The following KLHL36 variants were observed in gnomAD, a reference collection of about 807,000 sequenced individuals.
The protein encoded by KLHL36 is kelch like family member 36.
Under a neutral mutation model 53.3 loss-of-function variants are expected in KLHL36, and 35 were observed. The ratio of observed to expected loss-of-function variants is 0.66; its 90% CI spans 0.50 to 0.87. The LOEUF (loss-of-function observed/expected upper bound fraction) is 0.87. KLHL36 is among the 40% of genes least tolerant of loss of function. KLHL36 has a pLI of 0.00. For missense variants in KLHL36, 864 were observed against 897.6 expected, an observed-to-expected ratio of 0.96 and a Z score of 0.48; for synonymous variants, 472 against 398.9, an observed-to-expected ratio of 1.18 and a Z score of -2.18.
In KLHL36 at chr16:84,667,225, T is replaced by G. The variant is rs1907891039; in HGVS notation, c.*5092T>G. The G allele has an allele frequency of 6.6e-6, 1 of 152,176 alleles. No homozygotes were observed. The highest frequency in any genetic ancestry group is 2.4e-5 in the African/African-American group (1 of 41,434). 9.4% of individuals were successfully genotyped at this position (152,176 alleles called of 1,614,324 possible). On this transcript the variant is annotated 3_prime_UTR_variant, in exon 5 of 5. Coordinates refer to ENST00000564996, the MANE Select transcript of KLHL36 (RefSeq NM_024731.4). ...ACCTTTTCAAAGGTACTTAAAGCCATCTTTACAGATTGCTTGTAATGTAAG... is the reference window on the plus strand; with the variant it reads ...ACCTTTTCAAAGGTACTTAAAGCCAGCTTTACAGATTGCTTGTAATGTAAG...
rs1020351857 is a variant in KLHL36 at position 84,667,210 on chromosome 16, A to C, written c.*5077A>C. The C allele has an allele frequency of 2.6e-5, 4 of 152,228 alleles. No homozygotes were observed. The highest frequency in any genetic ancestry group is 4.4e-5 in the Non-Finnish European group (3 of 68,052). 9.4% of individuals were successfully genotyped at this position (152,228 alleles called of 1,614,324 possible). ...GAGAAAGGACACTCCACCTTTTCAA[A>C]GGTACTTAAAGCCATCTTTACAGAT... On this transcript the variant is annotated 3_prime_UTR_variant, in exon 5 of 5. Transcript: ENST00000564996.
At chr16:84,657,968 C>CT (rs765034976) in intron 3 of KLHL36, 24 bp downstream of exon 3, 13 of 1,473,902 alleles carry the variant, frequency 8.8e-6, no homozygotes, top group Non-Finnish European at 7.2e-6. Context: ...CAGATTATTT[C>CT]TTTTCTCTTG....
chr16:84,662,210 T>A lies in KLHL36; in HGVS notation c.*77T>A, dbSNP rs1907602962. On this transcript the variant is annotated 3_prime_UTR_variant, in exon 5 of 5. Transcript: ENST00000564996. ...TAGACCAGCAGCAACTTCTTAGTAT[T>A]CCGGAAACATTATGTACAACTTAGC... 1.6e-6 allele frequency: 2 copies of A among 1,281,560 alleles called. No individual in the cohort carries two copies. The highest frequency in any genetic ancestry group is 2.9e-5 in the Admixed American group (1 of 34,928). The allele number at this position is 1,281,560 out of a possible 1,614,324, so 79.4% of individuals were successfully genotyped here.
intron 2 of KLHL36, among the ~76,000 whole-genome samples, chr16:84,654,268 T>C (rs994696237): frequency 2.6e-5 from 4 of 152,218 alleles, no homozygotes; most frequent in African/African-American, 9.6e-5. Flanking sequence ...ACCGCCACTG[T>C]AGTACTTTTT....
rs1696496924 is a variant in KLHL36, at chr16:84,665,084, G to C, written c.*2951G>C. ...AGAGTTTGGGCTGTGCTTATGCAGTGGCCATTTGAACCGCACAGTCACGAA... is the reference window on the plus strand; with the variant it reads ...AGAGTTTGGGCTGTGCTTATGCAGTCGCCATTTGAACCGCACAGTCACGAA... On this transcript the variant is annotated 3_prime_UTR_variant, in exon 5 of 5. Transcript: ENST00000564996. 6.6e-6 allele frequency: 1 copy of C among 152,168 alleles called. No homozygotes were observed. The highest frequency in any genetic ancestry group is 2.1e-4 in the South Asian group (1 of 4,822). 9.4% of individuals were successfully genotyped at this position (152,168 alleles called of 1,614,324 possible).
chr16:84,653,123 G>A (rs956174003), intron 2 of KLHL36, among the ~76,000 whole-genome samples: 8 of 152,080 alleles, frequency 5.3e-5, no homozygotes, highest in Admixed American at 5.2e-4. Context: ...AGGCCGAGGT[G>A]GGAGGCTCAC....
rs551192776 is a variant in KLHL36, at chr16:84,657,405, A to G, written c.598A>G (p.Ser200Gly). 5 of 1,606,866 alleles carry G rather than the reference A, an allele frequency of 3.1e-6. No individual in the cohort carries two copies. Among genetic ancestry groups the G allele is most frequent in the East Asian group, 4.5e-5 (2 of 44,876 alleles). The change falls in exon 3 of 5, where the codon AGC becomes GGC. Residue 200 changes from serine to glycine, a missense_variant. Physicochemically the swap from Ser to Gly is moderately conservative, Grantham distance 56 (BLOSUM62 0). Coordinates refer to ENST00000564996, the MANE Select transcript of KLHL36 (RefSeq NM_024731.4). ...GAAGCTGTGTGTCTACCTGAGCAGC[A>G]GCGAGGTGCAGCGGGAGTGTGAGCA... ...MQKLCVYLSS[S>G]EVQRECEHDL...
At chr16:84,656,748 TGCA>T in intron 2 of KLHL36, 120 bp from the exon 3 acceptor site, 1 of 715,870 alleles carries the variant, frequency 1.4e-6, no homozygotes, top group South Asian at 1.8e-5. Context: ...TGCCCTCTGA[TGCA>T]GCATTTTATT....
intron 1 of KLHL36, among the ~76,000 whole-genome samples, chr16:84,649,777 G>C (rs527506392): frequency 1.3e-5 from 2 of 152,334 alleles, no homozygotes; most frequent in East Asian, 3.9e-4. Flanking sequence ...CTGACTTCTT[G>C]TCACATTGTT....
In KLHL36 at chr16:84,667,346, T is replaced by G. The variant is rs551379489; in HGVS notation, c.*5213T>G. The G allele has an allele frequency of 6.6e-6, 1 of 152,340 alleles. No individual in the cohort carries two copies. The highest frequency in any genetic ancestry group is 1.9e-4 in the East Asian group (1 of 5,196). 9.4% of individuals were successfully genotyped at this position (152,340 alleles called of 1,614,324 possible). A position where few individuals can be genotyped will look rare whatever the true frequency, so the allele number is the denominator to read the frequency against. On this transcript the variant is annotated 3_prime_UTR_variant, in exon 5 of 5. Transcript: ENST00000564996. Reference sequence around the variant, plus strand: ...GATATTTGATGATTAAGTGATTCATTGGGTATGTTCTGGCTACTGATGTTA... The same window carrying G: ...GATATTTGATGATTAAGTGATTCATGGGGTATGTTCTGGCTACTGATGTTA...
chr16:84,654,656 G>C (rs572479551), intron 2 of KLHL36, among the ~76,000 whole-genome samples: 6 of 152,096 alleles, frequency 3.9e-5, no homozygotes, highest in Non-Finnish European at 5.9e-5. Flanking sequence ...CGTTTTGTTC[G>C]TGTTGCCCAG....
chr16:84,652,159 C>G (rs1321954181), intron 2 of KLHL36, among the ~76,000 whole-genome samples: 3 of 152,194 alleles, frequency 2.0e-5, no homozygotes, highest in African/African-American at 7.2e-5. Flanking sequence ...CTGCTGCTTT[C>G]TAAGTTTGAC....
rs774521861 is a variant in KLHL36 at position 84,657,337 on chromosome 16, C to G, written c.530C>G (p.Thr177Arg). 6.2e-7 allele frequency: 1 copy of G among 1,613,198 alleles called. No homozygotes were observed. The highest frequency in any genetic ancestry group is 1.7e-5 in the Admixed American group (1 of 60,006). Residue 177 changes from threonine (T) to arginine (R), a missense_variant, in exon 3 of 5, where the codon ACG (threonine) becomes AGG (arginine). Physicochemically the swap from Thr to Arg is moderately conservative, Grantham distance 71. Coordinates refer to ENST00000564996, the MANE Select transcript of KLHL36 (RefSeq NM_024731.4). ...IDGFILNHFG[T>R]LSFTPDFLQN... ...GGCTTCATCCTGAACCACTTCGGCA[C>G]GCTGTCCTTTACGCCCGACTTCCTG... is the stretch of plus-strand genomic sequence containing the variant.
At chr16:84,650,635 G>A (rs1906809298) in intron 1 of KLHL36, among the ~76,000 whole-genome samples, 1 of 152,100 alleles carries the variant, frequency 6.6e-6, no homozygotes, top group African/African-American at 2.4e-5. Flanking sequence ...GATTTTAGAT[G>A]ATAAAGGAAT....
Position 84,663,075 on chromosome 16 carries a change from C to G in KLHL36, c.*942C>G, listed in dbSNP as rs1266341501. The G allele has an allele frequency of 6.6e-6, 1 of 151,898 alleles. No individual in the cohort carries two copies. The highest frequency in any genetic ancestry group is 2.4e-5 in the African/African-American group (1 of 41,326). The allele number at this position is 151,898 out of a possible 1,614,324, so 9.4% of individuals were successfully genotyped here. On this transcript the variant is annotated 3_prime_UTR_variant, in exon 5 of 5. Coordinates refer to ENST00000564996, the MANE Select transcript of KLHL36 (RefSeq NM_024731.4). ...GAATTTGCCATCGTTCTCTGTGACTCTATCTTGAGGCGCTGTTGAAAGTTC... is the reference window on the plus strand; with the variant it reads ...GAATTTGCCATCGTTCTCTGTGACTGTATCTTGAGGCGCTGTTGAAAGTTC...
At chr16:84,660,766 C>T (rs548828298) in intron 4 of KLHL36, among the ~76,000 whole-genome samples, 27 of 152,210 alleles carry the variant, frequency 1.8e-4, no homozygotes, top group African/African-American at 5.5e-4. Flanking sequence ...GGACTGCAGG[C>T]GCCTGCCACC....
chr16:84,652,312 T>C (rs1249898175), intron 2 of KLHL36, among the ~76,000 whole-genome samples: 1 of 152,010 alleles, frequency 6.6e-6, no homozygotes, highest in Non-Finnish European at 1.5e-5. Context: ...GCTCTGTCAC[T>C]TAGGTTGGAG....
rs1906626387 is a variant in KLHL36 at position 84,648,850 on chromosome 16, A to G, written c.-17+201A>G. 1 of 150,512 alleles carries G rather than the reference A, an allele frequency of 6.6e-6. No homozygotes were observed. Among genetic ancestry groups the G allele is most frequent in the Non-Finnish European group, 1.5e-5 (1 of 67,600 alleles). 9.3% of individuals were successfully genotyped at this position (150,512 alleles called of 1,614,324 possible). On this transcript the variant is annotated intron_variant, in intron 1 of 4. Transcript: ENST00000564996. This position sits in a 1 kb window ranked among gnomAD's most constrained non-coding sequence, Gnocchi z 4.9. The stretch of plus-strand genomic sequence containing the variant: ...AGGGGCCGCCGCCCCCGCAGGTGAC[A>G]CAGGTGCGGCCTGTGCGGACCGCCC...
intron 2 of KLHL36, among the ~76,000 whole-genome samples, chr16:84,653,659 G>A (rs1412104626): frequency 2.0e-5 from 3 of 151,906 alleles, no homozygotes; most frequent in Admixed American, 6.6e-5. Flanking sequence ...TGGCCAAAAT[G>A]GCAAAACCCT....
Sources: allele counts gnomAD v4.1 joint callset (sites outside exome capture counted in the v4.1 genomes callset), GRCh38; gene constraint gnomAD v4.1.1; non-coding constraint Gnocchi (gnomAD v3.1); transcripts MANE v1.5; gene names NCBI Gene and HGNC (gene_info 2026-07-23, HGNC 2026-07-21).